Variants in NRXN3 observed in about 807,000 individuals in gnomAD.
The protein encoded by NRXN3 is neurexin III.
In NRXN3, 32 loss-of-function variants were observed where a neutral mutation model predicts 137.6. That is an observed-to-expected ratio of 0.23 (90% CI 0.18 to 0.31). The LOEUF is 0.31. Among genes scored for constraint, NRXN3 ranks in the 10% least tolerant of loss-of-function variants. NRXN3 has a pLI of 1.00. For missense variants in NRXN3, 1,574 were observed against 2,062.5 expected (o/e 0.76, Z 4.59); for synonymous variants, 798 against 784.5 (o/e 1.02, Z -0.29).
At chr14:78,762,898 G>A (rs147806494) in intron 8 of NRXN3, among the ~76,000 whole-genome samples, 4 of 152,266 alleles carry the variant, frequency 2.6e-5, no homozygotes, top group East Asian at 1.9e-4. Flanking sequence ...CAAAAACAGT[G>A]CCATTTGAAT....
chr14:79,093,991 A>C (rs1240125997), intron 15 of NRXN3, among the ~76,000 whole-genome samples: 1 of 152,114 alleles, frequency 6.6e-6, no homozygotes, highest in Non-Finnish European at 1.5e-5. Flanking sequence ...ACTCAACCCA[A>C]ATATGCATTT....
At chr14:78,718,744 T>C (rs1307461005) in intron 8 of NRXN3, among the ~76,000 whole-genome samples, 4 of 152,240 alleles carry the variant, frequency 2.6e-5, no homozygotes, top group Admixed American at 1.3e-4. Flanking sequence ...TATTCTAAGA[T>C]GTAGCTGTCT....
intron 16 of NRXN3, among the ~76,000 whole-genome samples, chr14:79,565,274 TGTATAC>T (rs2097537782): frequency 7.3e-6 from 1 of 137,802 alleles, no homozygotes; most frequent in Admixed American, 7.0e-5. Flanking sequence ...CATGTGTGTG[TGTATAC>T]ATATACGCAC....
chr14:78,626,371 T>A (rs926111398), intron 4 of NRXN3, among the ~76,000 whole-genome samples: 2 of 152,198 alleles, frequency 1.3e-5, no homozygotes, highest in African/African-American at 4.8e-5. Flanking sequence ...CTTTCACAGA[T>A]CTGTAGAAAA....
chr14:78,502,154 G>A (rs2095890467), intron 4 of NRXN3, among the ~76,000 whole-genome samples: 1 of 152,072 alleles, frequency 6.6e-6, no homozygotes, highest in Admixed American at 6.5e-5. Flanking sequence ...GCCGTGTTGA[G>A]AGGCCTGTCC....
chr14:78,678,401 GCT>G (rs1169791284), intron 6 of NRXN3, among the ~76,000 whole-genome samples: 1 of 151,154 alleles, frequency 6.6e-6, no homozygotes, highest in Non-Finnish European at 1.5e-5. Context: ...AATTGACTCA[GCT>G]TCCCTAAGTG....
intron 19 of NRXN3, among the ~76,000 whole-genome samples, chr14:79,803,508 G>C (rs1394293836): frequency 6.6e-6 from 1 of 152,004 alleles, no homozygotes; most frequent in Non-Finnish European, 1.5e-5. Flanking sequence ...GCGTCCTACT[G>C]TCCTCTTTTT....
At chr14:78,440,472 G>A (rs1010296702) in intron 4 of NRXN3, among the ~76,000 whole-genome samples, 10 of 151,782 alleles carry the variant, frequency 6.6e-5, no homozygotes, top group African/African-American at 2.4e-4. Flanking sequence ...AATTTGCAAA[G>A]ATGCTTTGTT....
chr14:79,785,308 C>T (rs1199203350), intron 19 of NRXN3, among the ~76,000 whole-genome samples: 2 of 152,324 alleles, frequency 1.3e-5, no homozygotes, highest in East Asian at 3.9e-4. Context: ...CCTGGAGCCA[C>T]TTACACCTCC....
At chr14:79,408,763 A>G (rs1301320735) in intron 15 of NRXN3, among the ~76,000 whole-genome samples, 3 of 151,884 alleles carry the variant, frequency 2.0e-5, no homozygotes, top group Non-Finnish European at 2.9e-5. Context: ...CTCATTCTTC[A>G]TCCCTAAACT....
intron 10 of NRXN3, among the ~76,000 whole-genome samples, chr14:78,917,570 A>G (rs541039314): frequency 2.6e-5 from 4 of 152,258 alleles, no homozygotes; most frequent in African/African-American, 4.8e-5. Context: ...TCAGGCATCT[A>G]TAGCCATTTA....
At chr14:79,112,488 A>G (rs1420561036) in intron 15 of NRXN3, among the ~76,000 whole-genome samples, 1 of 152,236 alleles carries the variant, frequency 6.6e-6, no homozygotes, top group Non-Finnish European at 1.5e-5. Flanking sequence ...GTTCTTTGTT[A>G]TGTGTCTGGT....
chr14:79,770,609 G>C (rs561625395), intron 19 of NRXN3, among the ~76,000 whole-genome samples: 2 of 149,804 alleles, frequency 1.3e-5, no homozygotes, highest in African/African-American at 4.9e-5. Context: ...AGAATCTCTG[G>C]GACACATTCA....
chr14:79,338,627 T>A, intron 15 of NRXN3, among the ~76,000 whole-genome samples: 1 of 152,182 alleles, frequency 6.6e-6, no homozygotes. Flanking sequence ...GCAGAATTGC[T>A]GTATGGATTA....
intron 4 of NRXN3, among the ~76,000 whole-genome samples, chr14:78,535,430 G>C (rs567207709): frequency 1.8e-4 from 27 of 152,152 alleles, no homozygotes; most frequent in Non-Finnish European, 3.7e-4. Context: ...ATAGAACTTT[G>C]GTGTTAGAAA....
intron 8 of NRXN3, among the ~76,000 whole-genome samples, chr14:78,768,921 G>A (rs1376372508): frequency 6.6e-6 from 1 of 152,160 alleles, no homozygotes; most frequent in Non-Finnish European, 1.5e-5. Flanking sequence ...TTTTAAGGAG[G>A]ATCCATTACA....
At chr14:79,654,654 A>G (rs2098496561) in intron 16 of NRXN3, among the ~76,000 whole-genome samples, 2 of 152,182 alleles carry the variant, frequency 1.3e-5, no homozygotes, top group African/African-American at 4.8e-5. Flanking sequence ...AACATATCAT[A>G]AAAAACTGCC....
intron 15 of NRXN3, among the ~76,000 whole-genome samples, chr14:79,093,913 C>A (rs1414279724): frequency 1.3e-5 from 2 of 150,766 alleles, no homozygotes; most frequent in African/African-American, 4.9e-5. Flanking sequence ...TTTCTTTTTT[C>A]TTTTTTTCCC....
intron 4 of NRXN3, among the ~76,000 whole-genome samples, chr14:78,555,072 G>C (rs2096726255): frequency 6.6e-6 from 1 of 152,038 alleles, no homozygotes; most frequent in African/African-American, 2.4e-5. Context: ...ACCATCCTCT[G>C]TGTCTCTATT....
Sources: allele counts gnomAD v4.1 joint callset (sites outside exome capture counted in the v4.1 genomes callset), GRCh38; gene constraint gnomAD v4.1.1; transcripts MANE v1.5; gene names NCBI Gene and HGNC (gene_info 2026-07-23, HGNC 2026-07-21).